NKAIN3: variants seen among roughly 807,000 people sequenced by gnomAD.
NKAIN3 encodes the protein sodium/potassium transporting ATPase interacting 3.
Under a neutral mutation model 30.2 loss-of-function variants are expected in NKAIN3, and 25 were observed. The observed-to-expected ratio is 0.83, with a 90% CI of 0.60 to 1.16. The LOEUF (loss-of-function observed/expected upper bound fraction) is 1.16. Ranked by LOEUF, NKAIN3 falls within the 50% of genes most tolerant of loss-of-function variation. The pLI is 0.00. For synonymous variants in NKAIN3, 91 were observed against 89.6 expected (o/e 1.02, Z -0.09); for missense variants, 225 against 254.1 (o/e 0.89, Z 0.78).
intron 5 of NKAIN3, among the ~76,000 whole-genome samples, chr8:62,929,780 C>A (rs1003308277): frequency 6.6e-6 from 1 of 151,980 alleles, no homozygotes; most frequent in Non-Finnish European, 1.5e-5. Context: ...CACATGCAGC[C>A]CAGGGTGACT....
chr8:62,769,358 C>T (rs1385794268), intron 4 of NKAIN3, among the ~76,000 whole-genome samples: 1 of 152,104 alleles, frequency 6.6e-6, no homozygotes, highest in Non-Finnish European at 1.5e-5. Flanking sequence ...TTCAAAATAT[C>T]AATACATGCT....
intron 1 of NKAIN3, among the ~76,000 whole-genome samples, chr8:62,324,356 A>G (rs1391282202): frequency 2.0e-5 from 3 of 152,124 alleles, no homozygotes; most frequent in Admixed American, 6.6e-5. Flanking sequence ...AAACTTTTTA[A>G]TAATGATTAC....
At chr8:62,291,847 C>T (rs1813648846) in intron 1 of NKAIN3, among the ~76,000 whole-genome samples, 1 of 152,108 alleles carries the variant, frequency 6.6e-6, no homozygotes, top group African/African-American at 2.4e-5. Context: ...GTGAAAGTCT[C>T]CCATTATTAT....
intron 4 of NKAIN3, among the ~76,000 whole-genome samples, chr8:62,788,029 CTTTGGGTA>C (rs139018139): frequency 0.89 from 133,892 of 151,248 alleles, 59,415 homozygotes; most frequent in African/African-American, 0.91. Context: ...ATTTATAATC[CTTTGGGTA>C]TTTGGGTATA....
chr8:62,850,849 G>A (rs1819871470), intron 4 of NKAIN3, among the ~76,000 whole-genome samples: 1 of 152,024 alleles, frequency 6.6e-6, no homozygotes, highest in Admixed American at 6.6e-5. Flanking sequence ...TGCTGTTTTG[G>A]TTACTGTAGC....
intron 4 of NKAIN3, among the ~76,000 whole-genome samples, chr8:62,865,952 C>T (rs1388957524): frequency 3.3e-5 from 5 of 152,036 alleles, no homozygotes; most frequent in Non-Finnish European, 1.5e-5. Flanking sequence ...AGTCCTTTCA[C>T]ATTGGATTTT....
intron 4 of NKAIN3, among the ~76,000 whole-genome samples, chr8:62,913,466 C>T (rs139270475): frequency 2.1e-4 from 32 of 152,260 alleles, no homozygotes; most frequent in African/African-American, 7.2e-4. Context: ...TTATGCGATG[C>T]GTGACTATGC....
At chr8:62,744,537 C>T (rs572640147) in intron 3 of NKAIN3, among the ~76,000 whole-genome samples, 3 of 152,228 alleles carry the variant, frequency 2.0e-5, no homozygotes, top group African/African-American at 7.2e-5. Flanking sequence ...GAATGGAAAT[C>T]GCTATGAATT....
chr8:62,514,601 T>G (rs1807923210), intron 1 of NKAIN3, among the ~76,000 whole-genome samples: 2 of 152,176 alleles, frequency 1.3e-5, no homozygotes. Context: ...AGGCTGATAG[T>G]AGTTCAATCA....
At chr8:62,493,880 C>T (rs1807151223) in intron 1 of NKAIN3, among the ~76,000 whole-genome samples, 2 of 152,116 alleles carry the variant, frequency 1.3e-5, no homozygotes, top group African/African-American at 2.4e-5. Context: ...ATTTTGTATC[C>T]TGACACTTTG....
At chr8:62,320,471 C>A (rs555891129) in intron 1 of NKAIN3, among the ~76,000 whole-genome samples, 2 of 152,006 alleles carry the variant, frequency 1.3e-5, no homozygotes, top group Non-Finnish European at 2.9e-5. Flanking sequence ...TGGCTGGTAC[C>A]GGTTGTTCCT....
chr8:62,508,107 G>A (rs186388446), intron 1 of NKAIN3, among the ~76,000 whole-genome samples: 2 of 152,164 alleles, frequency 1.3e-5, no homozygotes, highest in Non-Finnish European at 2.9e-5. Context: ...TCCCTAGATA[G>A]CTATTGAAAT....
intron 4 of NKAIN3, among the ~76,000 whole-genome samples, chr8:62,796,744 AG>A (rs1183864026): frequency 6.6e-6 from 1 of 151,376 alleles, no homozygotes. Context: ...AGAAAGGGGA[AG>A]TGTGATTTTT....
chr8:62,365,404 T>C (rs1816705248), intron 1 of NKAIN3, among the ~76,000 whole-genome samples: 2 of 152,160 alleles, frequency 1.3e-5, no homozygotes, highest in Non-Finnish European at 2.9e-5. Context: ...TATTAGTACA[T>C]AAAATTTAAA....
intron 1 of NKAIN3, among the ~76,000 whole-genome samples, chr8:62,533,315 C>T (rs1273008113): frequency 2.6e-5 from 4 of 152,160 alleles, no homozygotes; most frequent in Admixed American, 1.3e-4. Context: ...TATTAACAGT[C>T]GATACCTTCT....
chr8:62,806,588 G>A (rs1818291251), intron 4 of NKAIN3, among the ~76,000 whole-genome samples: 1 of 151,994 alleles, frequency 6.6e-6, no homozygotes. Context: ...CTCACTCATA[G>A]GTGGGAATTG....
intron 5 of NKAIN3, among the ~76,000 whole-genome samples, chr8:62,995,033 T>C (rs1804074092): frequency 1.3e-5 from 2 of 152,184 alleles, no homozygotes; most frequent in African/African-American, 2.4e-5. Flanking sequence ...TCCAGAATAA[T>C]AATAGAGTAA....
intron 1 of NKAIN3, among the ~76,000 whole-genome samples, chr8:62,250,851 C>T (rs375657410): frequency 2.3e-4 from 35 of 152,042 alleles, no homozygotes; most frequent in East Asian, 1.8e-3. Flanking sequence ...CCTTGGTGCT[C>T]CAGGTAAAAT....
chr8:62,468,132 G>C (rs1194480109), intron 1 of NKAIN3, among the ~76,000 whole-genome samples: 1 of 152,148 alleles, frequency 6.6e-6, no homozygotes, highest in East Asian at 1.9e-4. Flanking sequence ...CTGATTCTAA[G>C]AAGTAGTCAT....
Sources: allele counts gnomAD v4.1 joint callset (sites outside exome capture counted in the v4.1 genomes callset), GRCh38; gene constraint gnomAD v4.1.1; transcripts MANE v1.5; gene names NCBI Gene and HGNC (gene_info 2026-07-23, HGNC 2026-07-21).